Variants in PRKCG observed in about 807,000 individuals in gnomAD.
PRKCG encodes the protein protein kinase C gamma type.
Under a neutral mutation model 82.0 loss-of-function variants are expected in PRKCG, and 28 were observed. That is an observed-to-expected ratio of 0.34 (90% confidence interval 0.25 to 0.47). The LOEUF (loss-of-function observed/expected upper bound fraction) is 0.47. Among genes scored for constraint, PRKCG ranks in the 20% least tolerant of loss-of-function variants. The pLI is 1.00. For missense variants in PRKCG, 640 were observed against 952.7 expected, an observed-to-expected ratio of 0.67 and a Z score of 4.32; for synonymous variants, 383 against 376.6, an observed-to-expected ratio of 1.02 and a Z score of -0.20.
At position 53,905,988 on chromosome 19, in the gene PRKCG, CCTCT is replaced by C. The variant is rs550041888; in HGVS notation, c.1765-326_1765-323del. Among the ~76,000 whole-genome samples the C allele has an allele frequency of 8.5e-3, 1,071 of 125,756 alleles. 8 individuals are homozygous for C. Among genetic ancestry groups the C allele is most frequent in the Middle Eastern group, 0.021 (5 of 238 alleles). The allele number at this position is 125,756 out of a possible 152,430, so 82.5% of individuals were successfully genotyped here. On this transcript the variant is annotated intron_variant, in intron 16 of 17. Coordinates refer to ENST00000263431, the MANE Select transcript of PRKCG (RefSeq NM_002739.5). ...TCTCTGTCCCTCTTCCTCTCTCTCTCCTCTCTGTCTCTCTCTGTCTCGCTCTCTG... is the reference window on the plus strand; with the variant it reads ...TCTCTGTCCCTCTTCCTCTCTCTCTCCTGTCTCTCTCTGTCTCGCTCTCTG...
rs548392105 is a variant in PRKCG, at chr19:53,900,313, G to A, written c.1362G>A (p.Glu454=). The change falls in exon 12 of 18, where the codon GAG becomes GAA. Residue 454 remains glutamate (E), a synonymous_variant. Transcript: ENST00000263431. This position sits in a 1 kb window ranked among gnomAD's most constrained non-coding sequence, Gnocchi z 4.2. ...YHIQQLGKFK[E]PHAAFYAAEI... ...TTCAACAGCTGGGCAAGTTTAAGGA[G>A]CCCCATGCAGCGTGAGTCTCGGCCA... 1.1e-5 allele frequency: 17 copies of A among 1,614,128 alleles called. No homozygotes were observed. In the East Asian group the frequency reaches 3.3e-4, roughly 32 times the overall value.
intron 16 of PRKCG, among the ~76,000 whole-genome samples, chr19:53,905,940 C>T (rs2068799870): frequency 7.1e-6 from 1 of 141,460 alleles, no homozygotes; most frequent in Non-Finnish European, 1.5e-5. Context: ...CTCTCACTCA[C>T]TCTCACCCTC....
intron 9 of PRKCG, among the ~76,000 whole-genome samples, chr19:53,895,502 AAAAAAAG>A (rs1299188123): frequency 6.6e-6 from 1 of 151,716 alleles, no homozygotes; most frequent in Non-Finnish European, 1.5e-5. Flanking sequence ...AAAAAAAAAA[AAAAAAAG>A]AAGACAAGAA....
Position 53,906,882 on chromosome 19 carries a change from TG to T in PRKCG, c.2082del (p.Val696SerfsTer9), listed in dbSNP as rs1486948523. The T allele has an allele frequency of 6.2e-7, 1 of 1,613,238 alleles. No homozygotes were observed. Among genetic ancestry groups the T allele is most frequent in the Non-Finnish European group, 8.5e-7 (1 of 1,179,920 alleles). On this transcript the variant is annotated frameshift_variant, in exon 18 of 18. Coordinates refer to ENST00000263431, the MANE Select transcript of PRKCG (RefSeq NM_002739.5). LOFTEE classifies it high-confidence loss of function. ...CGCAGCCCCACCAGCCCAGTGCCTG[TG>T]CCCGTCATGTAATCTCACCCGCCGC... The part of the protein sequence containing the change: ...DARSPTSPVP[V>X]PVM
rs141893409 is a variant in PRKCG, at chr19:53,890,160, C to A, written c.529+143C>A. 2.0e-3 allele frequency: 1,838 copies of A among 920,946 alleles called. 21 individuals are homozygous for A. In the African/African-American group the frequency reaches 0.026, roughly 13 times the overall value. 57.0% of individuals were successfully genotyped at this position (920,946 alleles called of 1,614,324 possible). On this transcript the variant is annotated intron_variant, in intron 5 of 17. Coordinates refer to ENST00000263431, the MANE Select transcript of PRKCG (RefSeq NM_002739.5). ...GGTCACGCCCACACTCCTGACCCCA[C>A]CCCAAAGGCCGAGCACACCCAGCCA...
intron 3 of PRKCG, among the ~76,000 whole-genome samples, chr19:53,885,359 G>T (rs1469491423): frequency 6.6e-6 from 1 of 152,106 alleles, no homozygotes; most frequent in Non-Finnish European, 1.5e-5. Context: ...CTCCTGAGTA[G>T]CTGGGACTAC....
At chr19:53,906,084 C>CTTCTTCTTCCT (rs1555808689) in intron 16 of PRKCG, among the ~76,000 whole-genome samples, 1 of 27,994 alleles carries the variant, frequency 3.6e-5, no homozygotes, top group African/African-American at 3.7e-4. Flanking sequence ...TCCTCCTCCT[C>CTTCTTCTTCCT]CTTCTTCTTC....
intron 14 of PRKCG, among the ~76,000 whole-genome samples, 183 bp from the exon 15 acceptor site, chr19:53,902,890 C>CA (rs56955659): frequency 0.21 from 4,231 of 19,908 alleles, 1,016 homozygotes; most frequent in Non-Finnish European, 0.35. Context: ...GAGACCCTGT[C>CA]AAAAAAAAAA....
chr19:53,900,375 C>A lies in PRKCG; in HGVS notation c.1374-44C>A, dbSNP rs373965441. 1.9e-5 allele frequency: 30 copies of A among 1,613,992 alleles called. No homozygotes were observed. The highest frequency in any genetic ancestry group is 2.5e-5 in the Non-Finnish European group (29 of 1,179,892). Reference sequence around the variant, plus strand: ...TCGGGGTGGTGGAAGGGGGCAGGATCCAGCCACTGACCTTCTGACGTCCCC... The same window carrying A: ...TCGGGGTGGTGGAAGGGGGCAGGATACAGCCACTGACCTTCTGACGTCCCC... On this transcript the variant is annotated intron_variant, in intron 12 of 17. Transcript: ENST00000263431. This position sits in a 1 kb window ranked among gnomAD's most constrained non-coding sequence, Gnocchi z 4.2.
rs931858497 is a variant in PRKCG at position 53,891,572 on chromosome 19, G to A, written c.530-102G>A. On this transcript the variant is annotated intron_variant, in intron 5 of 17. Transcript: ENST00000263431. Reference sequence around the variant, plus strand: ...GCTGGGATTACAGGCATGAGCCGCCGTGCCTGGCCAAGCTTGGAACTCTTG... The same window carrying A: ...GCTGGGATTACAGGCATGAGCCGCCATGCCTGGCCAAGCTTGGAACTCTTG... 2.9e-5 allele frequency: 42 copies of A among 1,464,454 alleles called. 1 individual carries two copies. Among genetic ancestry groups the A allele is most frequent in the South Asian group, 2.2e-4 (19 of 87,470 alleles). The allele number at this position is 1,464,454 out of a possible 1,614,324, so 90.7% of individuals were successfully genotyped here.
chr19:53,892,746 G>C lies in PRKCG; in HGVS notation c.821+103G>C. The stretch of plus-strand genomic sequence containing the variant: ...CCACTGTCCTTCCCTCTGCCTCCCA[G>C]CATGCGCACACACACACACACACAC... On this transcript the variant is annotated intron_variant, in intron 7 of 17. Coordinates refer to ENST00000263431, the MANE Select transcript of PRKCG (RefSeq NM_002739.5). The surrounding 1 kb of genome is among the most constrained non-coding windows in gnomAD (Gnocchi z 5.9). The C allele has an allele frequency of 7.3e-7, 1 of 1,363,322 alleles. No homozygotes were observed. The highest frequency in any genetic ancestry group is 1.0e-6 in the Non-Finnish European group (1 of 1,004,008). The allele number at this position is 1,363,322 out of a possible 1,614,324, so 84.5% of individuals were successfully genotyped here.
chr19:53,882,528 G>C lies in PRKCG; in HGVS notation c.34G>C (p.Glu12Gln). The C allele has an allele frequency of 1.9e-6, 3 of 1,614,206 alleles. No individual in the cohort carries two copies. The highest frequency in any genetic ancestry group is 8.5e-7 in the Non-Finnish European group (1 of 1,180,030). ...TCTGGGCCCCGGCGTAGGCGATTCA[G>C]AGGGGGGACCCCGGCCCCTGTTTTG... ...AGLGPGVGDS[E>Q]GGPRPLFCRK... The change falls in exon 1 of 18, where the codon GAG becomes CAG. Residue 12 changes from glutamate (E) to glutamine (Q), a missense_variant. By Grantham distance (29) the Glu-to-Gln change is conservative (BLOSUM62 2). Transcript: ENST00000263431. The surrounding 1 kb of genome is among the most constrained non-coding windows in gnomAD (Gnocchi z 6.1).
At position 53,892,443 on chromosome 19, in the gene PRKCG, A is replaced by G; in HGVS notation, c.687-66A>G. On this transcript the variant is annotated intron_variant, in intron 6 of 17. Transcript: ENST00000263431. This position sits in a 1 kb window ranked among gnomAD's most constrained non-coding sequence, Gnocchi z 5.9. ...TGGGTTTGCCCCCACCTCCAGCACC[A>G]AGGATGGGGAACCGAGGGGAGCCAT... is the stretch of plus-strand genomic sequence containing the variant. 6.3e-7 allele frequency: 1 copy of G among 1,574,904 alleles called. No homozygotes were observed. Among genetic ancestry groups the G allele is most frequent in the Non-Finnish European group, 8.6e-7 (1 of 1,165,940 alleles).
In PRKCG at chr19:53,906,961, C is replaced by G. The variant is rs1245998443; in HGVS notation, c.*66C>G. ...CCGTGCCGGCGGCAGCCCCACTTCA[C>G]CCCCAACTTCACCACCCCCTGTCCC... On this transcript the variant is annotated 3_prime_UTR_variant, in exon 18 of 18. Transcript: ENST00000263431. The G allele has an allele frequency of 1.9e-6, 3 of 1,604,772 alleles. No individual in the cohort carries two copies. Among genetic ancestry groups the G allele is most frequent in the Admixed American group, 3.4e-5 (2 of 58,694 alleles).
intron 6 of PRKCG, 123 bp downstream of exon 6, chr19:53,891,953 G>T: frequency 7.9e-6 from 10 of 1,261,686 alleles, no homozygotes; most frequent in Non-Finnish European, 1.1e-5. Flanking sequence ...AAGGGCAGAA[G>T]AAGATGGTGG....
rs1341852807 is a variant in PRKCG at position 53,904,615 on chromosome 19, T to C, written c.1657-20T>C. On this transcript the variant is annotated intron_variant, in intron 15 of 17. Coordinates refer to ENST00000263431, the MANE Select transcript of PRKCG (RefSeq NM_002739.5). ...GCAGTTGGGCATGTCCCTGACTCTC[T>C]ATCCCCTCCACTTTGATAGCCTCCC... 7.5e-6 allele frequency: 12 copies of C among 1,605,844 alleles called. No individual in the cohort carries two copies. The highest frequency in any genetic ancestry group is 1.0e-5 in the Non-Finnish European group (12 of 1,175,506).
Position 53,906,455 on chromosome 19 carries a change from C to CCGGT in PRKCG, c.1905_1905+3dup. On this transcript the variant is annotated frameshift_variant and splice_region_variant, in exon 17 of 18. Transcript: ENST00000263431. LOFTEE classifies it low-confidence loss of function (END_TRUNC). ...GATCCCGCCTCCTTTCAGACCCCGC[C>CCGGT]CGGTCAGTCACCCTCCAGGCAACAA... 2 of 1,574,970 alleles carry CCGGT rather than the reference C, an allele frequency of 1.3e-6. No homozygotes were observed.
chr19:53,904,673 G>T lies in PRKCG; in HGVS notation c.1695G>T (p.Gln565His). The T allele has an allele frequency of 6.2e-7, 1 of 1,613,696 alleles. No homozygotes were observed. The highest frequency in any genetic ancestry group is 8.5e-7 in the Non-Finnish European group (1 of 1,179,948). The change falls in exon 16 of 18, where the codon CAG (glutamine) becomes CAT (histidine). Residue 565 changes from glutamine (Q) to histidine (H), a missense_variant. Around this residue, in one of 7 missense-constraint regions of PRKCG, gnomAD observed 198 missense variants for 273.4 expected, o/e 0.72. Coordinates refer to ENST00000263431, the MANE Select transcript of PRKCG (RefSeq NM_002739.5). ...FDGEDEEELF[Q>H]AIMEQTVTYP... ...GGGAGGACGAGGAGGAGCTGTTTCA[G>T]GCCATCATGGAACAAACTGTCACCT...
At chr19:53,896,735 T>C (rs1255482552) in intron 9 of PRKCG, among the ~76,000 whole-genome samples, 2 of 152,198 alleles carry the variant, frequency 1.3e-5, no homozygotes, top group Admixed American at 6.5e-5. Context: ...CAAATATTTA[T>C]GTAGCCTCAA....
Sources: allele counts gnomAD v4.1 joint callset (sites outside exome capture counted in the v4.1 genomes callset), GRCh38; gene constraint gnomAD v4.1.1; regional missense constraint gnomAD v4.1.1; non-coding constraint Gnocchi (gnomAD v3.1); transcripts MANE v1.5; gene names NCBI Gene and HGNC (gene_info 2026-07-23, HGNC 2026-07-21).